The following PPP1R14C variants were observed in gnomAD, a reference collection of about 807,000 sequenced individuals.
PPP1R14C encodes the protein protein phosphatase 1 regulatory subunit 14C.
PPP1R14C carries 16 observed loss-of-function variants against 20.4 expected under a neutral mutation model. That is an observed-to-expected ratio of 0.78 (90% CI 0.53 to 1.19). The LOEUF is 1.19. PPP1R14C is among the 50% of genes most tolerant of loss of function. The pLI, the probability that PPP1R14C is intolerant of heterozygous loss-of-function variation, is 0.00. For missense variants in PPP1R14C, 211 were observed against 220.1 expected, an observed-to-expected ratio of 0.96 and a Z score of 0.26; for synonymous variants, 91 against 91.0, an observed-to-expected ratio of 1.00 and a Z score of 0.00.
At chr6:150,206,719 G>A (rs910101117) in intron 1 of PPP1R14C, among the ~76,000 whole-genome samples, 1 of 152,206 alleles carries the variant, frequency 6.6e-6, no homozygotes, top group African/African-American at 2.4e-5. Flanking sequence ...AACCTTCGTA[G>A]GATATAGGTA....
At chr6:150,236,431 A>T (rs1778361069) in intron 3 of PPP1R14C, among the ~76,000 whole-genome samples, 1 of 152,156 alleles carries the variant, frequency 6.6e-6, no homozygotes, top group African/African-American at 2.4e-5. Context: ...CAGATCCCAA[A>T]ATAGTGCCCA....
At chr6:150,242,198 TAAGA>T (rs911059623) in intron 3 of PPP1R14C, among the ~76,000 whole-genome samples, 1 of 152,174 alleles carries the variant, frequency 6.6e-6, no homozygotes, top group Non-Finnish European at 1.5e-5. Context: ...ACCAGACATT[TAAGA>T]AAGAAATTCT....
At chr6:150,174,693 A>T (rs1777541552) in intron 1 of PPP1R14C, among the ~76,000 whole-genome samples, 1 of 150,964 alleles carries the variant, frequency 6.6e-6, no homozygotes. Flanking sequence ...AGCTGGGCGC[A>T]GTGGCTCACG....
At chr6:150,170,131 G>T (rs1298216171) in intron 1 of PPP1R14C, among the ~76,000 whole-genome samples, 1 of 152,156 alleles carries the variant, frequency 6.6e-6, no homozygotes, top group East Asian at 1.9e-4. Flanking sequence ...AAGGAACATA[G>T]ATTTTACCTT....
chr6:150,224,913 T>C (rs1376558593), intron 3 of PPP1R14C, among the ~76,000 whole-genome samples: 1 of 152,034 alleles, frequency 6.6e-6, no homozygotes, highest in African/African-American at 2.4e-5. Context: ...AGGGGAAGCA[T>C]CCATAGTCCT....
At position 150,143,176 on chromosome 6, in the gene PPP1R14C, C is replaced by A. The variant is rs886546852; in HGVS notation, c.-17C>A. The A allele has an allele frequency of 2.3e-6, 3 of 1,314,246 alleles. No individual in the cohort carries two copies. Among genetic ancestry groups the A allele is most frequent in the Admixed American group, 4.3e-5 (1 of 23,456 alleles). The allele number at this position is 1,314,246 out of a possible 1,614,324, so 81.4% of individuals were successfully genotyped here. ...GCCCCTCCTCCGGGCCGCACTGAGG[C>A]TCGGGCGCGCGGGGACATGTCGGTG... is the stretch of plus-strand genomic sequence containing the variant. On this transcript the variant is annotated 5_prime_UTR_variant, in exon 1 of 4. Coordinates refer to ENST00000361131, the MANE Select transcript of PPP1R14C (RefSeq NM_030949.3). This position sits in a 1 kb window ranked among gnomAD's most constrained non-coding sequence, Gnocchi z 5.6.
intron 1 of PPP1R14C, among the ~76,000 whole-genome samples, chr6:150,168,533 C>CAAAAAAACAAAACAAAACAA (rs1175562312): frequency 6.7e-6 from 1 of 148,892 alleles, no homozygotes; most frequent in Admixed American, 6.7e-5. Context: ...ACTCCCGTCT[C>CAAAAAAACAAAACAAAACAA]AACAAAACAA....
chr6:150,207,217 C>T (rs941859675), intron 1 of PPP1R14C, among the ~76,000 whole-genome samples: 18 of 152,162 alleles, frequency 1.2e-4, no homozygotes, highest in Admixed American at 4.6e-4. Context: ...TGGCTCTAAG[C>T]AAGCTTTAGC....
chr6:150,167,981 TC>T (rs1200870327), intron 1 of PPP1R14C, among the ~76,000 whole-genome samples: 26 of 100,760 alleles, frequency 2.6e-4, no homozygotes, highest in East Asian at 7.3e-4. Flanking sequence ...TCTCCTTCTC[TC>T]CTCCCCTCTT....
intron 1 of PPP1R14C, among the ~76,000 whole-genome samples, chr6:150,210,348 G>A (rs906762783): frequency 5.9e-5 from 9 of 152,050 alleles, no homozygotes; most frequent in African/African-American, 1.7e-4. Flanking sequence ...TCTTTCCCCC[G>A]ATCCCTCATC....
At chr6:150,152,412 G>A (rs999922944) in intron 1 of PPP1R14C, among the ~76,000 whole-genome samples, 7 of 152,126 alleles carry the variant, frequency 4.6e-5, no homozygotes, top group African/African-American at 1.7e-4. Context: ...ATCTTGTTCC[G>A]CACAGCCTTC....
At chr6:150,220,780 C>T (rs757584868) in intron 3 of PPP1R14C, among the ~76,000 whole-genome samples, 24 of 152,172 alleles carry the variant, frequency 1.6e-4, no homozygotes, top group Non-Finnish European at 2.2e-4. Flanking sequence ...CCCGTTCTCT[C>T]CCTAGGTTTT....
intron 1 of PPP1R14C, among the ~76,000 whole-genome samples, chr6:150,156,178 G>A (rs1777304418): frequency 6.6e-6 from 1 of 151,934 alleles, no homozygotes; most frequent in Non-Finnish European, 1.5e-5. Flanking sequence ...TGCACTCTTG[G>A]TCTATCTATT....
At chr6:150,168,095 A>C (rs1290321035) in intron 1 of PPP1R14C, among the ~76,000 whole-genome samples, 5 of 45,032 alleles carry the variant, frequency 1.1e-4, no homozygotes, top group East Asian at 5.5e-4. Flanking sequence ...TTCCGTTTTC[A>C]CTTCCCCTTT....
rs2114887123 is a variant in PPP1R14C at position 150,190,467 on chromosome 6, ACCAGG to A, written c.307-24275_307-24271del. On this transcript the variant is annotated intron_variant, in intron 1 of 3. Coordinates refer to ENST00000361131, the MANE Select transcript of PPP1R14C (RefSeq NM_030949.3). The stretch of plus-strand genomic sequence containing the variant: ...TTTTTTGAGATGGAGTCTCTCTGTC[ACCAGG>A]CTGAAGTGCAGTTGCATGATCTCAG... Among the ~76,000 whole-genome samples, 3 of 147,682 alleles carry A rather than the reference ACCAGG, an allele frequency of 2.0e-5. No individual in the cohort carries two copies. The East Asian group carries it at 5.9e-4, about 29-fold the overall frequency.
intron 1 of PPP1R14C, among the ~76,000 whole-genome samples, chr6:150,172,678 T>A (rs1777512728): frequency 6.6e-6 from 1 of 152,152 alleles, no homozygotes; most frequent in African/African-American, 2.4e-5. Context: ...TCTTTGGAAG[T>A]GCCATCTGAC....
At chr6:150,194,997 G>C in intron 1 of PPP1R14C, 2 of 985,138 alleles carry the variant, frequency 2.0e-6, no homozygotes, top group Non-Finnish European at 2.4e-6. Flanking sequence ...GTCTGCTTTT[G>C]CTTTGTACTT....
chr6:150,205,786 C>T lies in PPP1R14C; in HGVS notation c.307-8958C>T, dbSNP rs114972344. On this transcript the variant is annotated intron_variant, in intron 1 of 3. Transcript: ENST00000361131. ...CATCCTGGGCGACAGAATGAGCCTC[C>T]GTCTCAAAAAAAAAAAAAAATAATG... is the stretch of plus-strand genomic sequence containing the variant. 8.5e-3 allele frequency among the ~76,000 whole-genome samples: 1,146 copies of T among 135,114 alleles called. 15 individuals carry two copies. Among genetic ancestry groups the T allele is most frequent in the African/African-American group, 0.031 (1,063 of 34,562 alleles). 88.6% of individuals were successfully genotyped at this position (135,114 alleles called of 152,430 possible).
intron 1 of PPP1R14C, among the ~76,000 whole-genome samples, chr6:150,174,103 T>A (rs1777530675): frequency 1.3e-5 from 2 of 148,586 alleles, no homozygotes; most frequent in African/African-American, 5.0e-5. Flanking sequence ...CTTTGATAGG[T>A]GCATACGTTG....
Sources: gnomAD v4.1 joint callset for allele counts (sites outside exome capture counted in the v4.1 genomes callset) on GRCh38, gnomAD v4.1.1 for gene constraint, Gnocchi (gnomAD v3.1) non-coding constraint, MANE v1.5 for transcripts, NCBI Gene and HGNC (gene_info 2026-07-23, HGNC 2026-07-21) for gene names.